The following ZNF804B variants were observed in gnomAD, a reference collection of about 807,000 sequenced individuals.
ZNF804B encodes the protein zinc finger 804B.
Under a neutral mutation model 101.4 loss-of-function variants are expected in ZNF804B, and 80 were observed. The ratio of observed to expected loss-of-function variants is 0.79; its 90% CI spans 0.66 to 0.95. ZNF804B has a LOEUF of 0.95. Ranked by LOEUF, ZNF804B falls within the 40% of genes least tolerant of loss-of-function variation. The pLI, the probability that ZNF804B is intolerant of heterozygous loss-of-function variation, is 0.00. For synonymous variants in ZNF804B, 622 were observed against 558.8 expected, an observed-to-expected ratio of 1.11 and a Z score of -1.59; for missense variants, 1,673 against 1,561.9, an observed-to-expected ratio of 1.07 and a Z score of -1.20.
chr7:89,046,793 A>ATT (rs200208824), intron 1 of ZNF804B, among the ~76,000 whole-genome samples: 1 of 150,690 alleles, frequency 6.6e-6, no homozygotes, highest in Non-Finnish European at 1.5e-5. Context: ...ATTACTTATC[A>ATT]TTTTTTTTTA....
intron 2 of ZNF804B, among the ~76,000 whole-genome samples, chr7:89,251,293 C>G (rs957021886): frequency 6.6e-6 from 1 of 151,938 alleles, no homozygotes; most frequent in African/African-American, 2.4e-5. Flanking sequence ...TTCTATACAC[C>G]AATAATATTC....
At chr7:89,006,068 G>A (rs1488315189) in intron 1 of ZNF804B, among the ~76,000 whole-genome samples, 1 of 152,016 alleles carries the variant, frequency 6.6e-6, no homozygotes, top group African/African-American at 2.4e-5. Context: ...CAATTTTTAT[G>A]GGAATATATA....
chr7:89,011,320 AG>A (rs761572536), intron 1 of ZNF804B, among the ~76,000 whole-genome samples: 19 of 152,198 alleles, frequency 1.2e-4, no homozygotes, highest in Non-Finnish European at 1.8e-4. Context: ...GTGGGGACAC[AG>A]AGCCAAACCA....
intron 2 of ZNF804B, among the ~76,000 whole-genome samples, chr7:89,281,065 G>A (rs1790086797): frequency 6.6e-6 from 1 of 152,056 alleles, no homozygotes; most frequent in African/African-American, 2.4e-5. Flanking sequence ...CAGCATAATT[G>A]TATTCTGAAA....
intron 3 of ZNF804B, among the ~76,000 whole-genome samples, chr7:89,332,955 A>AT (rs1554321707): frequency 6.6e-6 from 1 of 151,840 alleles, no homozygotes; most frequent in Non-Finnish European, 1.5e-5. Context: ...ATTTAAAAAA[A>AT]TTTTTATATT....
At chr7:89,265,296 GCGTGCGCGCGCGCACACATGCA>G (rs1467721034) in intron 2 of ZNF804B, among the ~76,000 whole-genome samples, 3 of 96,328 alleles carry the variant, frequency 3.1e-5, no homozygotes, top group Non-Finnish European at 6.9e-5. Flanking sequence ...GTGTGTGTGC[GCGTGCGCGCGCGCACACATGCA>G]CGTGCACAGG....
At chr7:89,290,238 A>G (rs1208887) in intron 2 of ZNF804B, among the ~76,000 whole-genome samples, 115,674 of 152,030 alleles carry the variant, frequency 0.76, 45,380 homozygotes, top group African/African-American at 0.93. Context: ...AAAACCTTTG[A>G]TGAGACTCTG....
intron 1 of ZNF804B, among the ~76,000 whole-genome samples, chr7:89,086,762 T>G (rs561453727): frequency 1.3e-4 from 20 of 152,056 alleles, no homozygotes; most frequent in African/African-American, 4.8e-4. Context: ...TAAAGTGAGA[T>G]CTAGTGCATG....
intron 1 of ZNF804B, among the ~76,000 whole-genome samples, chr7:89,141,942 A>G (rs983061410): frequency 5.3e-5 from 8 of 151,562 alleles, no homozygotes; most frequent in African/African-American, 1.7e-4. Flanking sequence ...AACTTCATCA[A>G]GTTCAAGATA....
chr7:89,172,758 T>C (rs1791256249), intron 1 of ZNF804B, among the ~76,000 whole-genome samples: 1 of 152,164 alleles, frequency 6.6e-6, no homozygotes, highest in African/African-American at 2.4e-5. Context: ...TGAATCTTCG[T>C]TTTCTCCATC....
rs575535849 is a variant in ZNF804B, at chr7:88,759,851, C to T, written c.-126C>T. On this transcript the variant is annotated 5_prime_UTR_variant, in exon 1 of 4. Transcript: ENST00000333190. ...CAGGGACGCGCTGCCACCGCCTCCC[C>T]CTGCGTCCTGCTGGCCGCGTCTTCT... 6 of 734,248 alleles carry T rather than the reference C, an allele frequency of 8.2e-6. No homozygotes were observed. Among genetic ancestry groups the T allele is most frequent in the East Asian group, 2.6e-5 (1 of 38,140 alleles). 45.5% of individuals were successfully genotyped at this position (734,248 alleles called of 1,614,324 possible). A position where few individuals can be genotyped will look rare whatever the true frequency, so the allele number is the denominator to read the frequency against.
chr7:89,070,510 C>A (rs529898513), intron 1 of ZNF804B, among the ~76,000 whole-genome samples: 59 of 152,222 alleles, frequency 3.9e-4, no homozygotes, highest in Non-Finnish European at 7.4e-4. Context: ...TCTGCTAATA[C>A]CATCTCAATT....
intron 1 of ZNF804B, among the ~76,000 whole-genome samples, chr7:89,155,067 T>A (rs1254731697): frequency 2.0e-5 from 3 of 152,172 alleles, no homozygotes; most frequent in African/African-American, 4.8e-5. Context: ...ATATTCTATT[T>A]AAAAAATCCA....
intron 1 of ZNF804B, among the ~76,000 whole-genome samples, chr7:89,068,217 T>C (rs1182656475): frequency 6.6e-6 from 1 of 150,962 alleles, no homozygotes; most frequent in East Asian, 1.9e-4. Flanking sequence ...ATAAGAAAAA[T>C]ACTGTGAGCA....
chr7:88,894,526 T>G (rs1360656485), intron 1 of ZNF804B, among the ~76,000 whole-genome samples: 1 of 152,116 alleles, frequency 6.6e-6, no homozygotes, highest in African/African-American at 2.4e-5. Flanking sequence ...CATACGCTAT[T>G]AATAGCATAT....
chr7:88,892,611 G>T (rs1000738966), intron 1 of ZNF804B, among the ~76,000 whole-genome samples: 6 of 152,078 alleles, frequency 3.9e-5, no homozygotes, highest in African/African-American at 1.4e-4. Context: ...TGTTCTTTGA[G>T]ATTCCTAAAA....
intron 1 of ZNF804B, among the ~76,000 whole-genome samples, chr7:88,940,524 C>G (rs1296238367): frequency 6.6e-6 from 1 of 151,766 alleles, no homozygotes; most frequent in Non-Finnish European, 1.5e-5. Flanking sequence ...ATAACCCTAA[C>G]AGTTTGAGGA....
At chr7:89,058,755 A>G (rs560686103) in intron 1 of ZNF804B, among the ~76,000 whole-genome samples, 20 of 152,070 alleles carry the variant, frequency 1.3e-4, no homozygotes, top group Non-Finnish European at 2.6e-4. Flanking sequence ...GTGCAGTGGT[A>G]CAATTTCAGC....
At chr7:89,204,484 C>A (rs1422457571) in intron 1 of ZNF804B, among the ~76,000 whole-genome samples, 1 of 152,124 alleles carries the variant, frequency 6.6e-6, no homozygotes, top group African/African-American at 2.4e-5. Flanking sequence ...TTCTTCCAAT[C>A]ATAAAGATTT....
Sources: allele counts gnomAD v4.1 joint callset (sites outside exome capture counted in the v4.1 genomes callset), GRCh38; gene constraint gnomAD v4.1.1; transcripts MANE v1.5; gene names NCBI Gene and HGNC (gene_info 2026-07-23, HGNC 2026-07-21).